The following PTPRR variants were observed in gnomAD, a reference collection of about 807,000 sequenced individuals.
PTPRR encodes the protein receptor-type tyrosine-protein phosphatase R.
Under a neutral mutation model 77.2 loss-of-function variants are expected in PTPRR, and 38 were observed. The observed-to-expected ratio is 0.49, with a 90% CI of 0.38 to 0.65. The LOEUF (loss-of-function observed/expected upper bound fraction) is 0.65. Among genes scored for constraint, PTPRR ranks in the 30% least tolerant of loss-of-function variants. The pLI is 0.00. For missense variants in PTPRR, 744 were observed against 799.2 expected (o/e 0.93, Z 0.83); for synonymous variants, 299 against 283.1 (o/e 1.06, Z -0.57).
intron 6 of PTPRR, among the ~76,000 whole-genome samples, chr12:70,733,448 A>AAAAAAAAAAAAAAAAAAAAAAAT (rs1889743013): frequency 1.1e-5 from 1 of 92,242 alleles, no homozygotes; most frequent in African/African-American, 4.2e-5. Context: ...AAAAAAAAGA[A>AAAAAAAAAAAAAAAAAAAAAAAT]AGAAAAAAAG....
rs142324324 is a variant in PTPRR at position 70,834,373 on chromosome 12, T to C, written c.357+58306A>G. On this transcript the variant is annotated intron_variant, in intron 2 of 13. Transcript: ENST00000283228. ...TGCCACTGCACATCCCCACATTTCT[T>C]AGACCACCTAAATGAAAGTTTCCAC... 6.9e-3 allele frequency among the ~76,000 whole-genome samples: 1,048 copies of C among 152,284 alleles called. 15 individuals carry two copies. Among genetic ancestry groups the C allele is most frequent in the African/African-American group, 0.023 (967 of 41,580 alleles).
At chr12:70,720,571 G>C (rs962644051) in intron 6 of PTPRR, among the ~76,000 whole-genome samples, 1 of 144,650 alleles carries the variant, frequency 6.9e-6, no homozygotes, top group Non-Finnish European at 1.5e-5. Flanking sequence ...GAGTGCAGTT[G>C]CATGACCTCA....
intron 2 of PTPRR, among the ~76,000 whole-genome samples, chr12:70,808,258 A>G (rs1268977503): frequency 6.6e-6 from 1 of 152,140 alleles, no homozygotes; most frequent in Non-Finnish European, 1.5e-5. Flanking sequence ...TAAGATGTTT[A>G]TCAATGACAA....
intron 2 of PTPRR, among the ~76,000 whole-genome samples, chr12:70,852,787 A>C (rs1330073090): frequency 6.6e-6 from 1 of 152,204 alleles, no homozygotes; most frequent in African/African-American, 2.4e-5. Flanking sequence ...ATACTTGCTC[A>C]TATTGAGGAC....
intron 2 of PTPRR, among the ~76,000 whole-genome samples, chr12:70,858,245 C>T (rs1486025345): frequency 6.6e-6 from 1 of 152,062 alleles, no homozygotes; most frequent in East Asian, 1.9e-4. Flanking sequence ...AATGACTCTT[C>T]CCACCTATTT....
At chr12:70,742,646 C>G (rs1890085930) in intron 6 of PTPRR, among the ~76,000 whole-genome samples, 1 of 152,022 alleles carries the variant, frequency 6.6e-6, no homozygotes, top group Non-Finnish European at 1.5e-5. Flanking sequence ...GAAAAACACT[C>G]AAATATAATT....
At chr12:70,856,571 G>T (rs1892655340) in intron 2 of PTPRR, among the ~76,000 whole-genome samples, 1 of 152,158 alleles carries the variant, frequency 6.6e-6, no homozygotes, top group Non-Finnish European at 1.5e-5. Flanking sequence ...AACCATTATA[G>T]AATATGAGTA....
chr12:70,737,852 T>C (rs560894508), intron 6 of PTPRR, among the ~76,000 whole-genome samples: 1 of 152,322 alleles, frequency 6.6e-6, no homozygotes, highest in South Asian at 2.1e-4. Flanking sequence ...TCCAGGGTAT[T>C]TTTTACACTT....
intron 6 of PTPRR, among the ~76,000 whole-genome samples, chr12:70,738,318 TG>T (rs1245877095): frequency 6.6e-6 from 1 of 152,138 alleles, no homozygotes; most frequent in African/African-American, 2.4e-5. Flanking sequence ...CAGCAACCCT[TG>T]GGGGCCTACT....
chr12:70,846,629 C>A (rs2137065006), intron 2 of PTPRR, among the ~76,000 whole-genome samples: 1 of 151,980 alleles, frequency 6.6e-6, no homozygotes, highest in South Asian at 2.1e-4. Context: ...GGACTAGTCC[C>A]CTTAAAAAAG....
chr12:70,791,482 T>C (rs1170282171), intron 2 of PTPRR, among the ~76,000 whole-genome samples: 38 of 152,296 alleles, frequency 2.5e-4, no homozygotes, highest in Non-Finnish European at 3.2e-4. Context: ...CCTGCTTACC[T>C]TGCTTTATTA....
intron 2 of PTPRR, among the ~76,000 whole-genome samples, chr12:70,783,980 G>GGGTGCCCGGAGTAGGGA (rs1891263940): frequency 6.6e-6 from 1 of 152,054 alleles, no homozygotes; most frequent in Non-Finnish European, 1.5e-5. Flanking sequence ...AGATTAGAGC[G>GGGTGCCCGGAGTAGGGA]GGTGCCCGGA....
At chr12:70,720,329 T>C (rs1194425626) in intron 6 of PTPRR, among the ~76,000 whole-genome samples, 1 of 152,030 alleles carries the variant, frequency 6.6e-6, no homozygotes, top group Non-Finnish European at 1.5e-5. Context: ...TTTGAGATGA[T>C]ATAATTTACC....
intron 1 of PTPRR, among the ~76,000 whole-genome samples, chr12:70,916,210 A>C (rs1225007202): frequency 6.6e-6 from 1 of 152,176 alleles, no homozygotes; most frequent in African/African-American, 2.4e-5. Flanking sequence ...TATTTAATTA[A>C]AGTTCTAAAA....
chr12:70,719,726 G>T, intron 6 of PTPRR, among the ~76,000 whole-genome samples: 1 of 152,168 alleles, frequency 6.6e-6, no homozygotes, highest in Non-Finnish European at 1.5e-5. Context: ...AAGAGCATCT[G>T]CAGTCTGAAC....
intron 6 of PTPRR, among the ~76,000 whole-genome samples, chr12:70,710,072 A>G (rs533414622): frequency 1.9e-3 from 285 of 152,262 alleles, no homozygotes; most frequent in African/African-American, 6.3e-3. Flanking sequence ...ATATGGAACC[A>G]AAAAGGAGCC....
chr12:70,645,875 A>G (rs1165601480), intron 13 of PTPRR, among the ~76,000 whole-genome samples: 2 of 152,122 alleles, frequency 1.3e-5, no homozygotes, highest in Non-Finnish European at 2.9e-5. Context: ...GTGTTTTGAA[A>G]AAAACCTCTC....
At chr12:70,831,781 T>C (rs904284576) in intron 2 of PTPRR, among the ~76,000 whole-genome samples, 10 of 152,184 alleles carry the variant, frequency 6.6e-5, no homozygotes, top group Admixed American at 2.0e-4. Flanking sequence ...GTCATATTTA[T>C]AGCCTCTGAC....
At chr12:70,860,016 T>C (rs1892725070) in intron 2 of PTPRR, among the ~76,000 whole-genome samples, 1 of 152,052 alleles carries the variant, frequency 6.6e-6, no homozygotes, top group South Asian at 2.1e-4. Flanking sequence ...TCATTGCTTT[T>C]TTCCCCCTCC....
Sources: allele counts gnomAD v4.1 joint callset (sites outside exome capture counted in the v4.1 genomes callset), GRCh38; gene constraint gnomAD v4.1.1; transcripts MANE v1.5; gene names NCBI Gene and HGNC (gene_info 2026-07-23, HGNC 2026-07-21).